The following CFAP221 variants were observed in gnomAD, a reference collection of about 807,000 sequenced individuals.
CFAP221 encodes the protein cilia and flagella associated protein 221, also known as cilia- and flagella-associated protein 221.
A neutral mutation model predicts 113.1 loss-of-function variants in CFAP221; 97 were observed. That is an observed-to-expected ratio of 0.86 (90% CI 0.73 to 1.02). The LOEUF (loss-of-function observed/expected upper bound fraction) is 1.02, where lower values mean the gene tolerates loss of function less well. Among genes scored for constraint, CFAP221 ranks in the 50% least tolerant of loss-of-function variants. The probability of loss-of-function intolerance (pLI) is 0.00; values close to 1 mark genes in which losing one functional copy is unlikely to be tolerated. For missense variants in CFAP221, 1,025 were observed against 1,013.4 expected, an observed-to-expected ratio of 1.01 and a Z score of -0.16; for synonymous variants, 331 against 354.4, an observed-to-expected ratio of 0.93 and a Z score of 0.74.
intron 19 of CFAP221, among the ~76,000 whole-genome samples, chr2:119,632,520 G>A (rs1217014897): frequency 2.0e-5 from 3 of 152,080 alleles, no homozygotes; most frequent in Admixed American, 6.6e-5. Flanking sequence ...AAAACCTAGA[G>A]CCAACATCAA....
rs747923361 is a variant in CFAP221 at position 119,638,223 on chromosome 2, A to G, written c.1975-36A>G. 6 of 1,610,130 alleles carry G rather than the reference A, an allele frequency of 3.7e-6. No homozygotes were observed. The East Asian group carries it at 1.3e-4, about 36-fold the overall frequency. The stretch of plus-strand genomic sequence containing the variant: ...TCCTATGCCTGGCTTAGAAACTGGT[A>G]AACAGAAAAGAATATTTTTTCCCTG... On this transcript the variant is annotated intron_variant, in intron 19 of 23. Coordinates refer to ENST00000413369, the MANE Select transcript of CFAP221 (RefSeq NM_001271049.2).
At chr2:119,555,384 T>A (rs930228914) in intron 3 of CFAP221, among the ~76,000 whole-genome samples, 6 of 152,236 alleles carry the variant, frequency 3.9e-5, no homozygotes, top group African/African-American at 1.4e-4. Context: ...CAATTTTATG[T>A]TGCCTAAGGG....
chr2:119,587,031 C>T (rs185683353), intron 6 of CFAP221, 88 bp from the exon 7 acceptor site: 49 of 945,428 alleles, frequency 5.2e-5, no homozygotes, highest in Admixed American at 3.5e-4. Flanking sequence ...TTGTTTATTA[C>T]GTAACTTGAG....
intron 6 of CFAP221, chr2:119,586,917 T>C (rs1047816539): frequency 7.2e-6 from 3 of 413,974 alleles, no homozygotes; most frequent in Non-Finnish European, 8.5e-6. Flanking sequence ...TAAGTGGGGA[T>C]AATCACGGCA....
At chr2:119,651,493 G>A (rs1558674760) in intron 22 of CFAP221, among the ~76,000 whole-genome samples, 7 of 147,966 alleles carry the variant, frequency 4.7e-5, no homozygotes, top group Non-Finnish European at 3.0e-5. Flanking sequence ...CAAAAAGATC[G>A]AAAAAAAAAA....
At position 119,601,205 on chromosome 2, in the gene CFAP221, T is replaced by G; in HGVS notation, c.632-13T>G. On this transcript the variant is annotated splice_polypyrimidine_tract_variant and intron_variant, in intron 7 of 23. Coordinates refer to ENST00000413369, the MANE Select transcript of CFAP221 (RefSeq NM_001271049.2). Reference sequence around the variant, plus strand: ...AGAGAGGGTATCACATTTTCTCATTTCTTTCCTCTCAGGAATAATTCCGGC... The same window carrying G: ...AGAGAGGGTATCACATTTTCTCATTGCTTTCCTCTCAGGAATAATTCCGGC... 6.6e-7 allele frequency: 1 copy of G among 1,510,928 alleles called. No individual in the cohort carries two copies. The highest frequency in any genetic ancestry group is 8.9e-7 in the Non-Finnish European group (1 of 1,128,866). 93.6% of individuals were successfully genotyped at this position (1,510,928 alleles called of 1,614,324 possible).
intron 7 of CFAP221, among the ~76,000 whole-genome samples, chr2:119,589,057 C>A (rs189734151): frequency 5.3e-5 from 8 of 152,208 alleles, no homozygotes; most frequent in Admixed American, 4.6e-4. Flanking sequence ...ACTTTGGGAC[C>A]CGTCTTTTGC....
In CFAP221 at chr2:119,605,223, AG is replaced by A. The variant is rs1558954080; in HGVS notation, c.1069del (p.Glu357ArgfsTer52). 1 of 1,614,210 alleles carries A rather than the reference AG, an allele frequency of 6.2e-7. No homozygotes were observed. The highest frequency in any genetic ancestry group is 8.5e-7 in the Non-Finnish European group (1 of 1,180,030). The part of the protein sequence containing the change: ...GTEISKTRQM[K>X]EALFEQKVRQ... ...GAAATTTCAAAAACGAGACAGATGA[AG>A]GAGGCACTCTTTGAACAGAAAGTCA... is the stretch of plus-strand genomic sequence containing the variant. On this transcript the variant is annotated frameshift_variant, in exon 11 of 24. Transcript: ENST00000413369. LOFTEE classifies it high-confidence loss of function.
intron 6 of CFAP221, among the ~76,000 whole-genome samples, chr2:119,581,760 G>GT (rs1379324685): frequency 2.0e-5 from 3 of 152,052 alleles, no homozygotes; most frequent in East Asian, 1.9e-4. Context: ...ACCTAGACAC[G>GT]TAAGAGTCAA....
chr2:119,608,581 A>G lies in CFAP221; in HGVS notation c.1213A>G (p.Lys405Glu). 1 of 1,611,370 alleles carries G rather than the reference A, an allele frequency of 6.2e-7. No homozygotes were observed. Among genetic ancestry groups the G allele is most frequent in the African/African-American group, 1.3e-5 (1 of 74,938 alleles). ...LTEEWQKACA[K>E]YKLDRGDPIL... ...TGAAGAGTGGCAAAAAGCATGTGCC[A>G]AATATAAGGTCAGAGTTACTGCTAA... The change falls in exon 12 of 24, where the codon AAA becomes GAA. Residue 405 changes from lysine (K) to glutamate (E), a missense_variant. Transcript: ENST00000413369.
At chr2:119,590,837 C>T (rs1683547808) in intron 7 of CFAP221, among the ~76,000 whole-genome samples, 1 of 152,118 alleles carries the variant, frequency 6.6e-6, no homozygotes, top group Admixed American at 6.5e-5. Flanking sequence ...TGTACTCCTG[C>T]GGACAGGTGA....
chr2:119,616,813 G>T (rs903652681), intron 14 of CFAP221, among the ~76,000 whole-genome samples: 1 of 152,192 alleles, frequency 6.6e-6, no homozygotes, highest in African/African-American at 2.4e-5. Context: ...CCTACAAGAG[G>T]CCGTCCTTGT....
At chr2:119,568,579 G>C (rs1476461685) in intron 6 of CFAP221, among the ~76,000 whole-genome samples, 1 of 152,160 alleles carries the variant, frequency 6.6e-6, no homozygotes, top group Non-Finnish European at 1.5e-5. Context: ...TTATATGTGA[G>C]AACATGCAGT....
intron 14 of CFAP221, among the ~76,000 whole-genome samples, chr2:119,618,609 T>C (rs1685683059): frequency 6.6e-6 from 1 of 152,150 alleles, no homozygotes; most frequent in African/African-American, 2.4e-5. Context: ...GGAGATTCCT[T>C]CGGGTGCCTA....
chr2:119,627,630 A>G, intron 15 of CFAP221, 23 bp from the exon 16 acceptor site: 1 of 1,611,242 alleles, frequency 6.2e-7, no homozygotes, highest in Non-Finnish European at 8.5e-7. Context: ...ACCCCCTAAA[A>G]GTGCCCTTTT....
intron 11 of CFAP221, among the ~76,000 whole-genome samples, chr2:119,607,949 G>A (rs901266030): frequency 3.9e-5 from 6 of 152,112 alleles, no homozygotes; most frequent in Admixed American, 6.6e-5. Flanking sequence ...TGACTATTAT[G>A]AATAATGCTG....
Position 119,604,927 on chromosome 2 carries a change from G to T in CFAP221, c.964G>T (p.Ala322Ser). 2 of 1,614,088 alleles carry T rather than the reference G, an allele frequency of 1.2e-6. No homozygotes were observed. The highest frequency in any genetic ancestry group is 1.7e-6 in the Non-Finnish European group (2 of 1,180,016). Residue 322 changes from alanine (A) to serine (S), a missense_variant, in exon 10 of 24, where the codon GCT (alanine) becomes TCT (serine). Transcript: ENST00000413369. ...TCCAGTAGATTTATCGAATCCATTT[G>T]CTGTGGCAACTGTTTTAAACCAAGA... The part of the protein sequence containing the change: ...RFPVDLSNPF[A>S]VATVLNQEPG...
chr2:119,565,723 A>G (rs892348327), intron 6 of CFAP221, among the ~76,000 whole-genome samples: 12 of 152,258 alleles, frequency 7.9e-5, no homozygotes, highest in African/African-American at 2.9e-4. Flanking sequence ...CAGCAGGCAT[A>G]GCCTTCCAAG....
At chr2:119,599,403 G>T (rs978391934) in intron 7 of CFAP221, among the ~76,000 whole-genome samples, 16 of 152,154 alleles carry the variant, frequency 1.1e-4, no homozygotes, top group Non-Finnish European at 1.2e-4. Flanking sequence ...TTAAGTTTGG[G>T]TTCATTCACT....
Sources: allele counts gnomAD v4.1 joint callset (sites outside exome capture counted in the v4.1 genomes callset), GRCh38; gene constraint gnomAD v4.1.1; transcripts MANE v1.5; gene names NCBI Gene and HGNC (gene_info 2026-07-23, HGNC 2026-07-21).